COX7B2: variants seen among roughly 807,000 people sequenced by gnomAD.
COX7B2 encodes the protein cytochrome c oxidase subunit 7B2, mitochondrial.
For synonymous variants in COX7B2, 37 were observed against 32.1 expected (o/e 1.15, Z -0.51); for missense variants, 109 against 95.9 (o/e 1.14, Z -0.57).
At chr4:46,824,383 A>G (rs1714526181) in intron 2 of COX7B2, among the ~76,000 whole-genome samples, 2 of 152,130 alleles carry the variant, frequency 1.3e-5, no homozygotes, top group Admixed American at 6.5e-5. Context: ...AATCCTTGCA[A>G]GATAGTGAGG....
chr4:46,804,835 C>T (rs962466388), intron 2 of COX7B2, among the ~76,000 whole-genome samples: 4 of 152,236 alleles, frequency 2.6e-5, no homozygotes, highest in African/African-American at 2.4e-5. Flanking sequence ...GCCTGCACTC[C>T]TCAGCCTTTG....
intron 2 of COX7B2, among the ~76,000 whole-genome samples, chr4:46,831,054 C>T (rs984805759): frequency 1.5e-3 from 221 of 152,198 alleles, no homozygotes; most frequent in Middle Eastern, 0.01. Flanking sequence ...AAGGCATGGG[C>T]GGGAACCCGG....
chr4:46,765,083 C>T (rs1716445570), intron 2 of COX7B2, among the ~76,000 whole-genome samples: 1 of 151,658 alleles, frequency 6.6e-6, no homozygotes, highest in Non-Finnish European at 1.5e-5. Context: ...GTGATGTCAA[C>T]AAGATGGCAG....
rs551262246 is a variant in COX7B2 at position 46,759,585 on chromosome 4, A to C, written c.-49-24344T>G. Among the ~76,000 whole-genome samples the C allele has an allele frequency of 2.0e-5, 3 of 152,158 alleles. No homozygotes were observed. In the South Asian group the frequency reaches 6.2e-4, roughly 32 times the overall value. ...GAAGACATTTATGCGGCCAACAAAC[A>C]TATGAAAAAAAGCTCATCATCGCTG... On this transcript the variant is annotated intron_variant, in intron 2 of 2. Coordinates refer to ENST00000355591, the MANE Select transcript of COX7B2 (RefSeq NM_130902.3).
At chr4:46,879,098 G>A (rs1291063037) in intron 1 of COX7B2, among the ~76,000 whole-genome samples, 3 of 152,172 alleles carry the variant, frequency 2.0e-5, no homozygotes, top group South Asian at 2.1e-4. Flanking sequence ...AACTAAGGCC[G>A]TGATTTTTTT....
At chr4:46,853,689 C>T (rs1192847412) in intron 1 of COX7B2, among the ~76,000 whole-genome samples, 1 of 151,720 alleles carries the variant, frequency 6.6e-6, no homozygotes, top group African/African-American at 2.4e-5. Flanking sequence ...TTTTAGCTTC[C>T]CTAACATCAG....
At chr4:46,900,546 G>C (rs1720019912) in intron 1 of COX7B2, among the ~76,000 whole-genome samples, 1 of 151,950 alleles carries the variant, frequency 6.6e-6, no homozygotes, top group African/African-American at 2.4e-5. Flanking sequence ...ACTGATATGG[G>C]GCACCTCAAA....
rs1192826123 is a variant in COX7B2, at chr4:46,850,809, T to G, written c.-104-5795A>C. ...CACTGCCCCTGTTTAGTGCAATCAT[T>G]AGGTGGTCAGGCTTTGTATTATGTG... On this transcript the variant is annotated intron_variant, in intron 1 of 2. Transcript: ENST00000355591. Among the ~76,000 whole-genome samples, 6 of 152,032 alleles carry G rather than the reference T, an allele frequency of 3.9e-5. No individual in the cohort carries two copies. The East Asian group carries it at 1.2e-3, about 29-fold the overall frequency.
chr4:46,829,255 A>G (rs989973879), intron 2 of COX7B2, among the ~76,000 whole-genome samples: 1 of 152,168 alleles, frequency 6.6e-6, no homozygotes, highest in African/African-American at 2.4e-5. Context: ...GTTTAGTTGA[A>G]TATTATAAAG....
intron 1 of COX7B2, among the ~76,000 whole-genome samples, chr4:46,887,391 G>C (rs1453805603): frequency 6.6e-6 from 1 of 152,088 alleles, no homozygotes; most frequent in African/African-American, 2.4e-5. Flanking sequence ...ATTCATCTAA[G>C]ATCATGTACA....
intron 2 of COX7B2, among the ~76,000 whole-genome samples, chr4:46,824,079 T>C (rs1246637410): frequency 2.0e-5 from 3 of 152,134 alleles, no homozygotes; most frequent in Non-Finnish European, 2.9e-5. Context: ...AATAACCTTA[T>C]ATCTATTAAT....
intron 1 of COX7B2, among the ~76,000 whole-genome samples, chr4:46,868,847 T>C (rs1382412792): frequency 2.6e-5 from 4 of 152,152 alleles, no homozygotes; most frequent in Non-Finnish European, 5.9e-5. Flanking sequence ...GTGTATTCTG[T>C]TGGTTTTTGG....
chr4:46,837,653 G>A (rs547561079), intron 2 of COX7B2, among the ~76,000 whole-genome samples: 2 of 151,920 alleles, frequency 1.3e-5, no homozygotes, highest in East Asian at 3.9e-4. Context: ...CTTAAAAATG[G>A]CTAGAATTAA....
chr4:46,760,499 T>G (rs1577673022), intron 2 of COX7B2, among the ~76,000 whole-genome samples: 1 of 151,460 alleles, frequency 6.6e-6, no homozygotes, highest in African/African-American at 2.4e-5. Flanking sequence ...TAAGTGGGAG[T>G]TGAACAATGA....
At chr4:46,762,784 C>G (rs1050944825) in intron 2 of COX7B2, among the ~76,000 whole-genome samples, 2 of 147,294 alleles carry the variant, frequency 1.4e-5, no homozygotes, top group Non-Finnish European at 3.0e-5. Flanking sequence ...TCTTCATATA[C>G]ATATGAAAAA....
intron 1 of COX7B2, among the ~76,000 whole-genome samples, chr4:46,901,328 T>A (rs1720058281): frequency 6.6e-6 from 1 of 152,198 alleles, no homozygotes; most frequent in Non-Finnish European, 1.5e-5. Flanking sequence ...AATCAACAGA[T>A]ATTTCCCATA....
At chr4:46,847,679 G>A (rs1716381317) in intron 1 of COX7B2, among the ~76,000 whole-genome samples, 1 of 152,038 alleles carries the variant, frequency 6.6e-6, no homozygotes, top group South Asian at 2.1e-4. Context: ...TGCAGGCAAG[G>A]GAGCTAAGAA....
chr4:46,771,184 G>A (rs903469707), intron 2 of COX7B2, among the ~76,000 whole-genome samples: 28 of 152,134 alleles, frequency 1.8e-4, no homozygotes, highest in Admixed American at 1.3e-3. Context: ...TAGAAGACAT[G>A]CAAACTGCTA....
chr4:46,756,444 C>A (rs116271379), intron 2 of COX7B2, among the ~76,000 whole-genome samples: 1 of 151,858 alleles, frequency 6.6e-6, no homozygotes, highest in African/African-American at 2.4e-5. Context: ...CAAAAATAGA[C>A]AAATTGAATT....
Sources: allele counts gnomAD v4.1 joint callset (sites outside exome capture counted in the v4.1 genomes callset), GRCh38; gene constraint gnomAD v4.1.1; transcripts MANE v1.5; gene names NCBI Gene and HGNC (gene_info 2026-07-23, HGNC 2026-07-21).